UROC1: variants seen among roughly 807,000 people sequenced by gnomAD.
UROC1 encodes urocanate hydratase.
A neutral mutation model predicts 89.5 loss-of-function variants in UROC1; 79 were observed. The observed-to-expected ratio is 0.88, with a 90% CI of 0.74 to 1.06. UROC1 has a LOEUF of 1.06. UROC1 is among the 50% of genes least tolerant of loss of function. The pLI is 0.00. For synonymous variants in UROC1, 361 were observed against 354.8 expected (o/e 1.02, Z -0.20); for missense variants, 885 against 907.8 (o/e 0.97, Z 0.32).
rs1002751102 is a variant in UROC1, at chr3:126,501,393, T to C, written c.903-113A>G. On this transcript the variant is annotated intron_variant, in intron 9 of 19. Transcript: ENST00000290868. ...CAGACCCAGGAGGCCACCAGAGGTG[T>C]TGTGTGCAAACGTGGGGGCCATGGG... The C allele has an allele frequency of 2.4e-5, 32 of 1,325,316 alleles. No individual in the cohort carries two copies. The African/African-American group carries it at 3.6e-4, about 15-fold the overall frequency. 82.1% of individuals were successfully genotyped at this position (1,325,316 alleles called of 1,614,324 possible). A position where few individuals can be genotyped will look rare whatever the true frequency, so the allele number is the denominator to read the frequency against.
At chr3:126,482,888 A>AC (rs1935421279) in intron 19 of UROC1, among the ~76,000 whole-genome samples, 1 of 145,452 alleles carries the variant, frequency 6.9e-6, no homozygotes, top group African/African-American at 2.6e-5. Context: ...CATTCTTGCC[A>AC]CCCCCGCCTC....
chr3:126,496,160 G>T, intron 14 of UROC1, 52 bp from the exon 15 acceptor site: 1 of 1,574,550 alleles, frequency 6.4e-7, no homozygotes, highest in Non-Finnish European at 8.7e-7. Flanking sequence ...GCACAGACCT[G>T]CCCTCAGGCA....
intron 6 of UROC1, among the ~76,000 whole-genome samples, chr3:126,507,151 G>A (rs1308398431): frequency 5.3e-5 from 8 of 152,214 alleles, no homozygotes; most frequent in Non-Finnish European, 1.5e-5. Context: ...CCTGAGAGGG[G>A]CTGTGCGAGA....
chr3:126,510,709 T>C lies in UROC1; in HGVS notation c.212A>G (p.Tyr71Cys), dbSNP rs764292132. Residue 71 changes from tyrosine (Y) to cysteine (C), a missense_variant, in exon 2 of 20, where the codon TAC becomes TGC. By Grantham distance (194) the Tyr-to-Cys change is radical. Transcript: ENST00000290868. Reference sequence around the variant, plus strand: ...AAACCGGTACATGTAGATGTGTCCGTACAGTTGCAGCTCCTGGGCAAACTC... The same window carrying C: ...AAACCGGTACATGTAGATGTGTCCGCACAGTTGCAGCTCCTGGGCAAACTC... ...APEFAQELQL[Y>C]GHIYMYRFCP... 7.4e-6 allele frequency: 12 copies of C among 1,614,042 alleles called. No homozygotes were observed. Among genetic ancestry groups the C allele is most frequent in the African/African-American group, 5.3e-5 (4 of 74,928 alleles).
intron 3 of UROC1, among the ~76,000 whole-genome samples, chr3:126,509,049 A>G (rs1271021302): frequency 1.3e-5 from 2 of 152,080 alleles, no homozygotes; most frequent in Non-Finnish European, 2.9e-5. Flanking sequence ...CTCATTAATA[A>G]TGTTTATATA....
Position 126,515,072 on chromosome 3 carries a change from G to A in UROC1, c.126+2522C>T, listed in dbSNP as rs149171792. ...AAGGGTGTCCTGACATTCAAGCAAA[G>A]GACATAACCCAGCAAAGCCCAGGTG... is the stretch of plus-strand genomic sequence containing the variant. On this transcript the variant is annotated intron_variant, in intron 1 of 19. Coordinates refer to ENST00000290868, the MANE Select transcript of UROC1 (RefSeq NM_144639.3). Among the ~76,000 whole-genome samples, 14 of 152,134 alleles carry A rather than the reference G, an allele frequency of 9.2e-5. No individual in the cohort carries two copies. In the East Asian group the frequency reaches 2.3e-3, roughly 25 times the overall value.
rs868491112 is a variant in UROC1, at chr3:126,497,382, G to A, written c.1438+669C>T. 2.7e-4 allele frequency among the ~76,000 whole-genome samples: 41 copies of A among 152,318 alleles called. No individual in the cohort carries two copies. In the Middle Eastern group the frequency reaches 0.014, roughly 51 times the overall value. The stretch of plus-strand genomic sequence containing the variant: ...GACCCACTCAACGAGAACAAAGGTT[G>A]GTTAAAACCCAGGCAGGCCATGTAG... On this transcript the variant is annotated intron_variant, in intron 14 of 19. Coordinates refer to ENST00000290868, the MANE Select transcript of UROC1 (RefSeq NM_144639.3).
chr3:126,514,791 A>ATTCCG (rs1936264162), intron 1 of UROC1, among the ~76,000 whole-genome samples: 1 of 151,842 alleles, frequency 6.6e-6, no homozygotes, highest in South Asian at 2.1e-4. Flanking sequence ...ACTTTATTTC[A>ATTCCG]TTTGGTCTTC....
Position 126,483,428 on chromosome 3 carries a change from C to T in UROC1, c.1831G>A (p.Gly611Ser), listed in dbSNP as rs770171269. The stretch of plus-strand genomic sequence containing the variant: ...GCTCTCCCCTCGGCCTCCGGGGTAC[C>T]GTCCAGCACGAGGCCGAATCCCCCG... Reference protein sequence around the residue: ...INGGFGLVLDGTPEAEGRARL... With the variant: ...INGGFGLVLDSTPEAEGRARL... Residue 611 changes from glycine to serine, a missense_variant, in exon 19 of 20, where the codon GGT becomes AGT. Coordinates refer to ENST00000290868, the MANE Select transcript of UROC1 (RefSeq NM_144639.3). 9.3e-6 allele frequency: 15 copies of T among 1,613,702 alleles called. No homozygotes were observed. Among genetic ancestry groups the T allele is most frequent in the South Asian group, 5.5e-5 (5 of 91,092 alleles).
chr3:126,509,313 A>T (rs1271729663), intron 3 of UROC1, among the ~76,000 whole-genome samples: 2 of 151,606 alleles, frequency 1.3e-5, no homozygotes, highest in Non-Finnish European at 2.9e-5. Context: ...AAATTTGTTT[A>T]TTTTTACTTT....
At chr3:126,514,851 A>G (rs1936265229) in intron 1 of UROC1, among the ~76,000 whole-genome samples, 1 of 152,038 alleles carries the variant, frequency 6.6e-6, no homozygotes, top group South Asian at 2.1e-4. Context: ...ACAAATGCCA[A>G]AAAATAAGGC....
chr3:126,502,055 T>C, intron 9 of UROC1: 3 of 1,217,344 alleles, frequency 2.5e-6, no homozygotes, highest in Non-Finnish European at 2.2e-6. Flanking sequence ...CTTAAACTGA[T>C]TTTGATGTAT....
At chr3:126,514,685 G>A (rs1000127943) in intron 1 of UROC1, among the ~76,000 whole-genome samples, 6 of 151,870 alleles carry the variant, frequency 4.0e-5, no homozygotes, top group Admixed American at 1.3e-4. Flanking sequence ...GTTCACAGAC[G>A]TCTTCTGCAC....
intron 9 of UROC1, among the ~76,000 whole-genome samples, chr3:126,502,961 T>TG (rs10668203): frequency 1.3e-5 from 2 of 151,582 alleles, no homozygotes; most frequent in Non-Finnish European, 2.9e-5. Flanking sequence ...TATATGTGTG[T>TG]TTATGTATGT....
rs1294163365 is a variant in UROC1, at chr3:126,505,948, A to G, written c.666T>C (p.Thr222=). ...YIGPQGIVHG[T]VLTVLNAARR... ...CAGGCGTGGCCCCATCTCTCACCACAGTGCCATGAACGATTCCCTGGGGAC... is the reference window on the plus strand; with the variant it reads ...CAGGCGTGGCCCCATCTCTCACCACGGTGCCATGAACGATTCCCTGGGGAC... Residue 222 remains threonine (T), a synonymous_variant, in exon 7 of 20, where the codon ACT becomes ACC. Coordinates refer to ENST00000290868, the MANE Select transcript of UROC1 (RefSeq NM_144639.3). 6.2e-7 allele frequency: 1 copy of G among 1,610,104 alleles called. No individual in the cohort carries two copies. The highest frequency in any genetic ancestry group is 8.5e-7 in the Non-Finnish European group (1 of 1,179,300).
At chr3:126,517,399 C>T (rs934114348) in intron 1 of UROC1, among the ~76,000 whole-genome samples, 195 bp downstream of exon 1, 1 of 152,172 alleles carries the variant, frequency 6.6e-6, no homozygotes, top group South Asian at 2.1e-4. Context: ...GCACGGCGAT[C>T]CTGCACCCAA....
intron 13 of UROC1, 140 bp from the exon 14 acceptor site, chr3:126,498,312 TC>T: frequency 7.0e-7 from 1 of 1,420,236 alleles, no homozygotes; most frequent in East Asian, 2.3e-5. Context: ...GACAGAAAGT[TC>T]CAGGGGCCTC....
intron 1 of UROC1, among the ~76,000 whole-genome samples, chr3:126,513,893 C>A (rs1204131075): frequency 6.6e-6 from 1 of 152,148 alleles, no homozygotes; most frequent in Non-Finnish European, 1.5e-5. Context: ...ATTTAGAGTC[C>A]TCCATCAGCC....
intron 1 of UROC1, among the ~76,000 whole-genome samples, chr3:126,514,376 G>A (rs1281597400): frequency 6.6e-6 from 1 of 152,160 alleles, no homozygotes; most frequent in Non-Finnish European, 1.5e-5. Flanking sequence ...CTGGGGGTAG[G>A]TACTGAGGAC....
Sources: gnomAD v4.1 joint callset for allele counts (sites outside exome capture counted in the v4.1 genomes callset) on GRCh38, gnomAD v4.1.1 for gene constraint, MANE v1.5 for transcripts, NCBI Gene and HGNC (gene_info 2026-07-23, HGNC 2026-07-21) for gene names.